Variants in KANK2 observed in about 807,000 individuals in gnomAD.
The protein encoded by KANK2 is KN motif and ankyrin repeat domains 2.
Under a neutral mutation model 74.6 loss-of-function variants are expected in KANK2, and 41 were observed. The observed-to-expected ratio is 0.55, with a 90% confidence interval of 0.43 to 0.71. The LOEUF (loss-of-function observed/expected upper bound fraction) is 0.71. Ranked by LOEUF, KANK2 falls within the 30% of genes least tolerant of loss-of-function variation. The pLI is 0.00. For synonymous variants in KANK2, 537 were observed against 519.0 expected (o/e 1.03, Z -0.47); for missense variants, 1,148 against 1,196.4 (o/e 0.96, Z 0.60).
Position 11,178,659 on chromosome 19 carries a change from A to G in KANK2, c.1311T>C (p.Leu437=). Residue 437 remains leucine, a synonymous_variant, in exon 5 of 13, where the codon CTT becomes CTC. Transcript: ENST00000586659. ...GGCCTGTGCTCTTCTCAGGCTGTGT[A>G]AGGGAGGCTACCTCGGACCCCGGGG... The part of the protein sequence containing the change: ...SSPPGSEVAS[L]TQPEKSTGRV... The G allele has an allele frequency of 1.3e-6, 2 of 1,562,910 alleles. No individual in the cohort carries two copies. Among genetic ancestry groups the G allele is most frequent in the South Asian group, 1.2e-5 (1 of 83,232 alleles).
chr19:11,173,421 G>A (rs1431213874), intron 9 of KANK2, among the ~76,000 whole-genome samples: 1 of 152,164 alleles, frequency 6.6e-6, no homozygotes, highest in Non-Finnish European at 1.5e-5. Flanking sequence ...CCTCAGACTG[G>A]CCCATGTCTC....
At chr19:11,174,830 C>A in intron 8 of KANK2, 138 bp from the exon 9 acceptor site, 2 of 680,274 alleles carry the variant, frequency 2.9e-6, no homozygotes, top group Non-Finnish European at 5.1e-6. Context: ...CAGACCCTCC[C>A]AAAGGGAAGT....
rs765598327 is a variant in KANK2 at position 11,193,708 on chromosome 19, C to T, written c.372G>A (p.Val124=). The T allele has an allele frequency of 2.9e-5, 47 of 1,611,810 alleles. No homozygotes were observed. The highest frequency in any genetic ancestry group is 2.4e-4 in the South Asian group (22 of 91,070). ...LETRGGFNPR[V]ERTLLDARRR... The stretch of plus-strand genomic sequence containing the variant: ...GACGGGCATCCAGCAGCGTGCGCTC[C>T]ACCCGCGGATTGAAGCCACCGCGGG... The change falls in exon 4 of 13, where the codon GTG becomes GTA. Residue 124 remains valine, a synonymous_variant. Transcript: ENST00000586659. The surrounding 1 kb of genome is among the most constrained non-coding windows in gnomAD (Gnocchi z 9.6).
At chr19:11,178,245 G>T in intron 6 of KANK2, 100 bp downstream of exon 6, 3 of 1,068,744 alleles carry the variant, frequency 2.8e-6, no homozygotes, top group Non-Finnish European at 3.8e-6. Flanking sequence ...ATTAACCAAA[G>T]CAAGGAGCTC....
intron 4 of KANK2, among the ~76,000 whole-genome samples, chr19:11,180,297 A>G (rs1433210175): frequency 6.6e-6 from 1 of 151,712 alleles, no homozygotes; most frequent in East Asian, 1.9e-4. Flanking sequence ...GTCTTGTTAT[A>G]TTGTCCAGGC....
intron 4 of KANK2, among the ~76,000 whole-genome samples, chr19:11,189,572 C>A (rs2078778744): frequency 8.0e-6 from 1 of 125,086 alleles, no homozygotes; most frequent in South Asian, 2.7e-4. Flanking sequence ...TCACTGCACT[C>A]CAGCCTGGGC....
chr19:11,177,380 A>C (rs539841600), intron 6 of KANK2, among the ~76,000 whole-genome samples: 10 of 151,210 alleles, frequency 6.6e-5, no homozygotes, highest in Non-Finnish European at 1.5e-4. Flanking sequence ...TTTGAGACGG[A>C]GTCTCGCTCT....
chr19:11,191,602 T>A (rs960319887), intron 4 of KANK2, among the ~76,000 whole-genome samples: 5 of 152,240 alleles, frequency 3.3e-5, no homozygotes, highest in Non-Finnish European at 7.3e-5. Flanking sequence ...GAGGGCCCCC[T>A]CTGGGATTTT....
rs914251940 is a variant in KANK2, at chr19:11,193,897, G to A, written c.183C>T (p.Arg61=). Residue 61 remains arginine (R), a synonymous_variant, in exon 4 of 13, where the codon CGC becomes CGT. Coordinates refer to ENST00000586659, the MANE Select transcript of KANK2 (RefSeq NM_001136191.3). This position sits in a 1 kb window ranked among gnomAD's most constrained non-coding sequence, Gnocchi z 9.6. ...DDIEKGHTLR[R]VAVQRRPRLS... The stretch of plus-strand genomic sequence containing the variant: ...GGCGGGGGCGGCGCTGCACTGCCAC[G>A]CGTCGCAGCGTGTGGCCCTTCTCGA... 8 of 1,613,732 alleles carry A rather than the reference G, an allele frequency of 5.0e-6. No homozygotes were observed. Among genetic ancestry groups the A allele is most frequent in the South Asian group, 2.2e-5 (2 of 91,084 alleles).
intron 4 of KANK2, among the ~76,000 whole-genome samples, chr19:11,188,158 G>A (rs1223950953): frequency 6.6e-6 from 1 of 152,118 alleles, no homozygotes; most frequent in Non-Finnish European, 1.5e-5. Flanking sequence ...GTTGTCAGGA[G>A]CTGAGGAATG....
intron 4 of KANK2, among the ~76,000 whole-genome samples, chr19:11,181,082 T>C (rs1290409674): frequency 2.2e-5 from 2 of 90,298 alleles, no homozygotes; most frequent in Non-Finnish European, 2.0e-5. Flanking sequence ...GCGAGACTCT[T>C]GTCTCCAAAA....
At chr19:11,171,153 T>A (rs1186361466) in intron 10 of KANK2, among the ~76,000 whole-genome samples, 3 of 152,182 alleles carry the variant, frequency 2.0e-5, no homozygotes, top group Non-Finnish European at 2.9e-5. Context: ...TCCTGGCACT[T>A]TGGGAGGCCG....
Position 11,176,813 on chromosome 19 carries a change from C to G in KANK2, c.1525G>C (p.Glu509Gln). The G allele has an allele frequency of 1.3e-6, 2 of 1,513,494 alleles. No individual in the cohort carries two copies. Among genetic ancestry groups the G allele is most frequent in the Non-Finnish European group, 1.8e-6 (2 of 1,128,398 alleles). 93.8% of individuals were successfully genotyped at this position (1,513,494 alleles called of 1,614,324 possible). Residue 509 changes from glutamate (E) to glutamine (Q), a missense_variant, in exon 7 of 13, where the codon GAG (glutamate) becomes CAG (glutamine). Transcript: ENST00000586659. ...LQFVGVNGGY[E>Q]SSSEDSSTAE... ...GTGCTGGAGTCCTCGGATGACGACT[C>G]ATACCTGGGGAGGAACGAGCGGGGA...
intron 12 of KANK2, among the ~76,000 whole-genome samples, chr19:11,168,005 G>GTTTTTT (rs528176321): frequency 2.6e-5 from 3 of 115,034 alleles, no homozygotes; most frequent in Non-Finnish European, 5.3e-5. Flanking sequence ...CCACGTCCTT[G>GTTTTTT]TTTTTTTTTT....
intron 10 of KANK2, among the ~76,000 whole-genome samples, chr19:11,171,959 C>T (rs1034760603): frequency 5.3e-5 from 8 of 150,854 alleles, no homozygotes; most frequent in Non-Finnish European, 1.0e-4. Context: ...CAGGCATGAG[C>T]CACCGCACCC....
chr19:11,194,137 G>T, intron 3 of KANK2, 95 bp from the exon 4 acceptor site: 1 of 1,342,112 alleles, frequency 7.5e-7, no homozygotes, highest in Non-Finnish European at 1.0e-6. Context: ...TTTATTTGCC[G>T]AAGAGATGGG....
Position 11,171,975 on chromosome 19 carries a change from A to ATT in KANK2, c.2211+1004_2211+1005dup, listed in dbSNP as rs1359232623. ...AGGCATGAGCCACCGCACCCGGCTA[A>ATT]TTTTTTTTTTTTTTTTTTGAGACAG... On this transcript the variant is annotated intron_variant, in intron 10 of 12. Transcript: ENST00000586659. Among the ~76,000 whole-genome samples, 330 of 115,162 alleles carry ATT rather than the reference A, an allele frequency of 2.9e-3. 3 individuals carry two copies. Among genetic ancestry groups the ATT allele is most frequent in the African/African-American group, 0.01 (307 of 29,910 alleles). 75.6% of individuals were successfully genotyped at this position (115,162 alleles called of 152,430 possible).
intron 6 of KANK2, among the ~76,000 whole-genome samples, 154 bp from the exon 7 acceptor site, chr19:11,176,971 T>A (rs2078359701): frequency 6.6e-6 from 1 of 152,098 alleles, no homozygotes; most frequent in Non-Finnish European, 1.5e-5. Context: ...TGGGATGTGG[T>A]TTACAGCAAC....
At chr19:11,192,123 T>G (rs1048744755) in intron 4 of KANK2, among the ~76,000 whole-genome samples, 1 of 152,144 alleles carries the variant, frequency 6.6e-6, no homozygotes, top group South Asian at 2.1e-4. Flanking sequence ...GAAGCTGTCA[T>G]CAGTTACGTA....
Sources: gnomAD v4.1 joint callset for allele counts (sites outside exome capture counted in the v4.1 genomes callset) on GRCh38, gnomAD v4.1.1 for gene constraint, Gnocchi (gnomAD v3.1) non-coding constraint, MANE v1.5 for transcripts, NCBI Gene and HGNC (gene_info 2026-07-23, HGNC 2026-07-21) for gene names.